The following TBCK variants were observed in gnomAD, a reference collection of about 807,000 sequenced individuals.
The protein encoded by TBCK is TBC1 domain containing kinase, also known as TBC domain-containing protein kinase-like protein.
A neutral mutation model predicts 113.4 loss-of-function variants in TBCK; 99 were observed. The ratio of observed to expected loss-of-function variants is 0.87; its 90% CI spans 0.74 to 1.03. The LOEUF is 1.03. Ranked by LOEUF, TBCK falls within the 50% of genes least tolerant of loss-of-function variation. The probability of loss-of-function intolerance (pLI) is 0.00; values close to 1 mark genes in which losing one functional copy is unlikely to be tolerated. For synonymous variants in TBCK, 369 were observed against 370.8 expected (o/e 1.00, Z 0.05); for missense variants, 1,045 against 1,061.3 (o/e 0.98, Z 0.21).
chr4:106,288,367 C>T (rs1405393692), intron 3 of TBCK, among the ~76,000 whole-genome samples: 6 of 151,358 alleles, frequency 4.0e-5, no homozygotes, highest in Non-Finnish European at 5.9e-5. Context: ...GCACTCCAGC[C>T]GGGGCGACAA....
At chr4:106,098,040 T>C (rs1041241744) in intron 24 of TBCK, among the ~76,000 whole-genome samples, 25 of 152,060 alleles carry the variant, frequency 1.6e-4, no homozygotes, top group African/African-American at 5.5e-4. Context: ...TTTATTTCAC[T>C]GTATTACAGT....
At position 106,078,918 on chromosome 4, in the gene TBCK, A is replaced by T. The variant is rs150029420; in HGVS notation, c.2571+16564T>A. On this transcript the variant is annotated intron_variant, in intron 25 of 25. Transcript: ENST00000394708. ...ACATGCAAACCAAATCCAGCAGTGCATCAAAAAACTAATGCACTAAGATTA... is the reference window on the plus strand; with the variant it reads ...ACATGCAAACCAAATCCAGCAGTGCTTCAAAAAACTAATGCACTAAGATTA... Among the ~76,000 whole-genome samples, 398 of 152,328 alleles carry T rather than the reference A, an allele frequency of 2.6e-3. 3 individuals carry two copies. Among genetic ancestry groups the T allele is most frequent in the African/African-American group, 9.4e-3 (389 of 41,580 alleles).
At chr4:106,103,328 T>C (rs1384429780) in intron 24 of TBCK, among the ~76,000 whole-genome samples, 1 of 152,216 alleles carries the variant, frequency 6.6e-6, no homozygotes, top group African/African-American at 2.4e-5. Flanking sequence ...TAATAGCTTA[T>C]TTTGTGTGTA....
chr4:106,236,603 G>A (rs1460544802), intron 13 of TBCK, 84 bp from the exon 14 acceptor site: 1 of 1,229,280 alleles, frequency 8.1e-7, no homozygotes, highest in Non-Finnish European at 1.0e-6. Flanking sequence ...TCTACCAACA[G>A]TGATTTCAGA....
intron 23 of TBCK, among the ~76,000 whole-genome samples, chr4:106,138,941 G>T (rs921211220): frequency 2.8e-5 from 4 of 140,914 alleles, no homozygotes; most frequent in African/African-American, 1.0e-4. Flanking sequence ...GAGTCAGCTG[G>T]TGACAAGAGG....
chr4:106,308,973 A>G lies in TBCK; in HGVS notation c.-13T>C. 1 of 1,606,884 alleles carries G rather than the reference A, an allele frequency of 6.2e-7. No homozygotes were observed. Among genetic ancestry groups the G allele is most frequent in the Non-Finnish European group, 8.5e-7 (1 of 1,176,620 alleles). ...TCAGGGGAAACATTTTTGGAGTCCT[A>G]GGTCTTCTAAGATAATCTGGAAAAG... On this transcript the variant is annotated 5_prime_UTR_variant, in exon 2 of 26. Coordinates refer to ENST00000394708, the MANE Select transcript of TBCK (RefSeq NM_001163435.3).
At chr4:106,118,016 A>C (rs1392008365) in intron 23 of TBCK, among the ~76,000 whole-genome samples, 1 of 151,914 alleles carries the variant, frequency 6.6e-6, no homozygotes, top group South Asian at 2.1e-4. Context: ...CTCAAAAAAA[A>C]AAAAAACAAA....
At chr4:106,238,308 C>T (rs1759697240) in intron 12 of TBCK, among the ~76,000 whole-genome samples, 1 of 151,976 alleles carries the variant, frequency 6.6e-6, no homozygotes, top group African/African-American at 2.4e-5. Context: ...TTTTCTGTTG[C>T]TGGCATTATG....
chr4:106,243,803 T>A (rs1176550318), intron 11 of TBCK, among the ~76,000 whole-genome samples: 1 of 152,078 alleles, frequency 6.6e-6, no homozygotes, highest in Non-Finnish European at 1.5e-5. Flanking sequence ...TTCTCCCACC[T>A]GCAGCTGCCT....
intron 2 of TBCK, among the ~76,000 whole-genome samples, chr4:106,300,479 C>T (rs1374343336): frequency 6.6e-6 from 1 of 152,164 alleles, no homozygotes; most frequent in Non-Finnish European, 1.5e-5. Flanking sequence ...AATATATTTA[C>T]TGCATCACTT....
chr4:106,235,450 A>G, intron 14 of TBCK, 83 bp from the exon 15 acceptor site: 1 of 806,120 alleles, frequency 1.2e-6, no homozygotes, highest in Non-Finnish European at 1.8e-6. Context: ...TATACCCATG[A>G]TAAAACTTAA....
At chr4:106,227,990 T>C (rs915453610) in intron 19 of TBCK, among the ~76,000 whole-genome samples, 2 of 152,026 alleles carry the variant, frequency 1.3e-5, no homozygotes, top group Non-Finnish European at 2.9e-5. Flanking sequence ...AATATTTTTA[T>C]TGTAGATATG....
intron 3 of TBCK, among the ~76,000 whole-genome samples, chr4:106,274,501 A>C (rs1218829883): frequency 6.6e-6 from 1 of 152,212 alleles, no homozygotes; most frequent in Non-Finnish European, 1.5e-5. Context: ...AATACAAATA[A>C]ATGAAGTACT....
At chr4:106,118,898 T>G (rs540916561) in intron 23 of TBCK, among the ~76,000 whole-genome samples, 3 of 152,324 alleles carry the variant, frequency 2.0e-5, no homozygotes, top group African/African-American at 7.2e-5. Context: ...GCTGACAAAT[T>G]TAAATGTTCT....
At chr4:106,124,270 T>C (rs1578975871) in intron 23 of TBCK, among the ~76,000 whole-genome samples, 1 of 152,188 alleles carries the variant, frequency 6.6e-6, no homozygotes, top group Non-Finnish European at 1.5e-5. Context: ...TCACTGGCCA[T>C]CAGAGAAATG....
intron 25 of TBCK, among the ~76,000 whole-genome samples, chr4:106,075,441 G>GACTT (rs941510852): frequency 1.1e-4 from 17 of 152,240 alleles, no homozygotes; most frequent in Non-Finnish European, 2.2e-4. Flanking sequence ...GATATTGACT[G>GACTT]ACTTATTTGG....
intron 19 of TBCK, among the ~76,000 whole-genome samples, chr4:106,216,147 A>G (rs902054981): frequency 2.0e-5 from 3 of 152,128 alleles, no homozygotes; most frequent in African/African-American, 7.2e-5. Context: ...AGGCAGAAAT[A>G]AAGATGTTCT....
chr4:106,079,596 A>C (rs1194514635), intron 25 of TBCK, among the ~76,000 whole-genome samples: 1 of 152,220 alleles, frequency 6.6e-6, no homozygotes, highest in Non-Finnish European at 1.5e-5. Context: ...GAATATATCT[A>C]ACTAAGAAGG....
intron 3 of TBCK, among the ~76,000 whole-genome samples, chr4:106,289,647 A>C (rs1395873933): frequency 6.6e-6 from 1 of 151,832 alleles, no homozygotes; most frequent in Non-Finnish European, 1.5e-5. Flanking sequence ...GCATGCCTGT[A>C]GTCCCAGCTG....
Sources: gnomAD v4.1 joint callset for allele counts (sites outside exome capture counted in the v4.1 genomes callset) on GRCh38, gnomAD v4.1.1 for gene constraint, MANE v1.5 for transcripts, NCBI Gene and HGNC (gene_info 2026-07-23, HGNC 2026-07-21) for gene names.